The following HACD2 variants were observed in gnomAD, a reference collection of about 807,000 sequenced individuals.
The protein encoded by HACD2 is 3-hydroxyacyl-CoA dehydratase 2.
In HACD2, 15 loss-of-function variants were observed where a neutral mutation model predicts 31.0. The observed-to-expected ratio is 0.48, with a 90% CI of 0.32 to 0.75. The LOEUF (loss-of-function observed/expected upper bound fraction) is 0.75, where lower values mean the gene tolerates loss of function less well. Among genes scored for constraint, HACD2 ranks in the 30% least tolerant of loss-of-function variants. HACD2 has a pLI of 0.03. For missense variants in HACD2, 283 were observed against 313.0 expected (o/e 0.90, Z 0.72); for synonymous variants, 115 against 122.2 (o/e 0.94, Z 0.39).
chr3:123,575,256 G>A (rs542816049), intron 2 of HACD2, among the ~76,000 whole-genome samples: 9 of 151,998 alleles, frequency 5.9e-5, no homozygotes, highest in South Asian at 2.1e-4. Flanking sequence ...ACTAATATGC[G>A]CCACTGTATC....
At chr3:123,510,993 A>G (rs1200754775) in intron 4 of HACD2, among the ~76,000 whole-genome samples, 1 of 151,326 alleles carries the variant, frequency 6.6e-6, no homozygotes, top group Non-Finnish European at 1.5e-5. Context: ...AATGAGTGTA[A>G]AGTGGTATCT....
At chr3:123,544,617 T>C (rs76990510) in intron 3 of HACD2, among the ~76,000 whole-genome samples, 2,279 of 152,250 alleles carry the variant, frequency 0.015, 58 homozygotes, top group African/African-American at 0.052. Context: ...ACCTAAAAAA[T>C]TTCCAGCTAT....
In HACD2 at chr3:123,528,487, T is replaced by A; in HGVS notation, c.293-13A>T. On this transcript the variant is annotated splice_polypyrimidine_tract_variant and intron_variant, in intron 3 of 6. Transcript: ENST00000383657. ...GATGGAACAATTCCTGAAAGAAATT[T>A]TGGGATGGATAAATAAATGTACTGT... The A allele has an allele frequency of 6.7e-7, 1 of 1,488,474 alleles. No individual in the cohort carries two copies. Among genetic ancestry groups the A allele is most frequent in the African/African-American group, 1.4e-5 (1 of 72,526 alleles). 92.2% of individuals were successfully genotyped at this position (1,488,474 alleles called of 1,614,324 possible).
At position 123,492,759 on chromosome 3, in the gene HACD2, A is replaced by G. The variant is rs1259893325; in HGVS notation, c.*2129T>C. 6.6e-6 allele frequency: 1 copy of G among 152,226 alleles called. No homozygotes were observed. The highest frequency in any genetic ancestry group is 1.5e-5 in the Non-Finnish European group (1 of 68,026). 9.4% of individuals were successfully genotyped at this position (152,226 alleles called of 1,614,324 possible). ...CTGCATTTTTCATCCTGATTTCTAG[A>G]ATTTTTCCAAAAACAACTGAAAAAA... On this transcript the variant is annotated 3_prime_UTR_variant, in exon 7 of 7. Coordinates refer to ENST00000383657, the MANE Select transcript of HACD2 (RefSeq NM_198402.5).
chr3:123,558,792 C>T (rs1303883846), intron 3 of HACD2, among the ~76,000 whole-genome samples: 1 of 152,176 alleles, frequency 6.6e-6, no homozygotes, highest in Non-Finnish European at 1.5e-5. Context: ...CAAGTTTTCA[C>T]TTTTTGGTTC....
chr3:123,582,262 A>G lies in HACD2; in HGVS notation c.223T>C (p.Tyr75His). The G allele has an allele frequency of 6.2e-7, 1 of 1,609,368 alleles. No individual in the cohort carries two copies. ...AATTTCAAAGGCTTTTCAATTGAAT[A>G]ATAAAGGCTATGGTAGCTACCCTTA... ...LAKGSYHSLY[Y>H]SIEKPLKFFQ... The change falls in exon 2 of 7, where the codon TAT becomes CAT. Residue 75 changes from tyrosine to histidine, a missense_variant. By Grantham distance (83) the Tyr-to-His change is moderately conservative. Coordinates refer to ENST00000383657, the MANE Select transcript of HACD2 (RefSeq NM_198402.5).
At chr3:123,568,751 T>G (rs538347597) in intron 2 of HACD2, among the ~76,000 whole-genome samples, 19 of 152,340 alleles carry the variant, frequency 1.2e-4, no homozygotes, top group African/African-American at 4.6e-4. Context: ...TGATATAACC[T>G]AACAGCTACT....
intron 5 of HACD2, 127 bp downstream of exon 5, chr3:123,502,433 G>T (rs2055913917): frequency 2.2e-6 from 2 of 928,420 alleles, no homozygotes; most frequent in African/African-American, 1.7e-5. Context: ...GAAATCTACA[G>T]ACAAAATTTC....
At chr3:123,570,137 G>C (rs2056838424) in intron 2 of HACD2, among the ~76,000 whole-genome samples, 1 of 150,376 alleles carries the variant, frequency 6.6e-6, no homozygotes, top group South Asian at 2.2e-4. Context: ...TCAGTCCTCA[G>C]ATGCACTCTC....
At chr3:123,558,625 G>GA (rs370594089) in intron 3 of HACD2, among the ~76,000 whole-genome samples, 4 of 151,478 alleles carry the variant, frequency 2.6e-5, no homozygotes, top group African/African-American at 9.7e-5. Context: ...TGAATGAAGA[G>GA]AAAAAAAATC....
At chr3:123,579,109 C>G (rs1430121863) in intron 2 of HACD2, among the ~76,000 whole-genome samples, 2 of 152,116 alleles carry the variant, frequency 1.3e-5, no homozygotes, top group Non-Finnish European at 2.9e-5. Flanking sequence ...GTGGGGATAA[C>G]AGAGATAAAA....
chr3:123,551,111 T>C (rs1484004434), intron 3 of HACD2, among the ~76,000 whole-genome samples: 1 of 152,132 alleles, frequency 6.6e-6, no homozygotes, highest in Non-Finnish European at 1.5e-5. Flanking sequence ...GGTGACCTTG[T>C]TTATCATGGA....
At chr3:123,564,526 G>A (rs902902907) in intron 3 of HACD2, among the ~76,000 whole-genome samples, 3 of 152,166 alleles carry the variant, frequency 2.0e-5, no homozygotes, top group Non-Finnish European at 4.4e-5. Flanking sequence ...GCTAAGTCCA[G>A]GAACTTCCAA....
intron 4 of HACD2, among the ~76,000 whole-genome samples, chr3:123,519,771 A>C (rs1325845360): frequency 1.3e-5 from 2 of 152,248 alleles, no homozygotes; most frequent in African/African-American, 4.8e-5. Flanking sequence ...AAGTTTTCAA[A>C]TGAATATTAA....
chr3:123,558,569 T>A (rs1559927902), intron 3 of HACD2, among the ~76,000 whole-genome samples: 1 of 152,046 alleles, frequency 6.6e-6, no homozygotes, highest in African/African-American at 2.4e-5. Context: ...AAAACTGCTC[T>A]AAAAAAATAG....
rs1316650711 is a variant in HACD2 at position 123,493,988 on chromosome 3, C to T, written c.*900G>A. 1.3e-5 allele frequency: 2 copies of T among 152,268 alleles called. No homozygotes were observed. The highest frequency in any genetic ancestry group is 2.4e-5 in the African/African-American group (1 of 41,468). The allele number at this position is 152,268 out of a possible 1,614,324, so 9.4% of individuals were successfully genotyped here. On this transcript the variant is annotated 3_prime_UTR_variant, in exon 7 of 7. Coordinates refer to ENST00000383657, the MANE Select transcript of HACD2 (RefSeq NM_198402.5). The stretch of plus-strand genomic sequence containing the variant: ...CTTCCATGTGCTTTCACTAACACAG[C>T]CTCCTTTCCTATGTGACTGGATCCG...
At chr3:123,545,625 A>T (rs2107725706) in intron 3 of HACD2, among the ~76,000 whole-genome samples, 1 of 149,640 alleles carries the variant, frequency 6.7e-6, no homozygotes, top group Middle Eastern at 3.5e-3. Context: ...AAAAATGGGT[A>T]CAATTTCCAC....
chr3:123,582,356 G>GA (rs1367781154), intron 1 of HACD2, 27 bp from the exon 2 acceptor site: 23 of 1,469,006 alleles, frequency 1.6e-5, no homozygotes, highest in Non-Finnish European at 2.0e-5. Context: ...CAGCAATCAG[G>GA]AAAAAATAAA....
intron 3 of HACD2, among the ~76,000 whole-genome samples, chr3:123,563,352 G>A (rs1251259545): frequency 2.0e-5 from 3 of 152,202 alleles, no homozygotes; most frequent in African/African-American, 7.2e-5. Flanking sequence ...AGAGAGCAGA[G>A]CCTGGGCACA....
Sources: allele counts gnomAD v4.1 joint callset (sites outside exome capture counted in the v4.1 genomes callset), GRCh38; gene constraint gnomAD v4.1.1; transcripts MANE v1.5; gene names NCBI Gene and HGNC (gene_info 2026-07-23, HGNC 2026-07-21).